DYNC2I1: variants seen among roughly 807,000 people sequenced by gnomAD.
DYNC2I1 encodes the protein cytoplasmic dynein 2 intermediate chain 1.
A neutral mutation model predicts 133.4 loss-of-function variants in DYNC2I1; 89 were observed. The observed-to-expected ratio is 0.67, with a 90% CI of 0.56 to 0.80. The LOEUF (loss-of-function observed/expected upper bound fraction) is 0.80. DYNC2I1 is among the 30% of genes least tolerant of loss of function. The probability of loss-of-function intolerance (pLI) is 0.00; values close to 1 mark genes in which losing one functional copy is unlikely to be tolerated. For synonymous variants in DYNC2I1, 504 were observed against 484.3 expected, an observed-to-expected ratio of 1.04 and a Z score of -0.54; for missense variants, 1,291 against 1,314.5, an observed-to-expected ratio of 0.98 and a Z score of 0.28.
In DYNC2I1 at chr7:158,891,274, G is replaced by A. The variant is rs201126878; in HGVS notation, c.1000G>A (p.Glu334Lys). The A allele has an allele frequency of 6.9e-5, 112 of 1,614,050 alleles. No homozygotes were observed. Among genetic ancestry groups the A allele is most frequent in the Middle Eastern group, 3.3e-4 (2 of 6,062 alleles). Reference sequence around the variant, plus strand: ...GTTCTCTCTCCATTAGCATGGCCACGAGGAAGGCTCTTCTGTGTGGTGGAA... The same window carrying A: ...GTTCTCTCTCCATTAGCATGGCCACAAGGAAGGCTCTTCTGTGTGGTGGAA... ...DKDSRRKHGH[E>K]EGSSVWWKLD... is the part of the protein sequence containing the mutation. Residue 334 changes from glutamate to lysine, a missense_variant, in exon 8 of 25, where the codon GAG becomes AAG. Coordinates refer to ENST00000407559, the MANE Select transcript of DYNC2I1 (RefSeq NM_018051.5).
intron 20 of DYNC2I1, among the ~76,000 whole-genome samples, chr7:158,929,448 G>T (rs950648099): frequency 1.4e-4 from 21 of 150,092 alleles, no homozygotes; most frequent in Non-Finnish European, 2.9e-4. Context: ...AAAGGGCCTG[G>T]CCAGAAAGGC....
intron 21 of DYNC2I1, among the ~76,000 whole-genome samples, chr7:158,932,682 T>C (rs1433524202): frequency 6.6e-6 from 1 of 151,932 alleles, no homozygotes; most frequent in Non-Finnish European, 1.5e-5. Flanking sequence ...GTGGCGTAAG[T>C]TGGGAACAGA....
At chr7:158,955,677 G>A (rs1272072167) in intron 4 of DYNC2I1, among the ~76,000 whole-genome samples, 2 of 152,190 alleles carry the variant, frequency 1.3e-5, no homozygotes, top group African/African-American at 4.8e-5. Context: ...TTCTACTAAC[G>A]TTTGAACTTG....
At chr7:158,891,893 C>A (rs546212762) in intron 8 of DYNC2I1, among the ~76,000 whole-genome samples, 1 of 110,308 alleles carries the variant, frequency 9.1e-6, no homozygotes, top group Non-Finnish European at 2.2e-5. Flanking sequence ...AAGGACGTAG[C>A]GCGGAGCTTG....
chr7:158,881,105 C>T (rs908871826), intron 5 of DYNC2I1, among the ~76,000 whole-genome samples: 1 of 152,234 alleles, frequency 6.6e-6, no homozygotes. Context: ...AGCACTTAGG[C>T]CGAGAAGCAG....
intron 17 of DYNC2I1, 139 bp from the exon 18 acceptor site, chr7:158,926,048 T>C (rs1319879484): frequency 1.5e-6 from 1 of 669,332 alleles, no homozygotes; most frequent in Non-Finnish European, 2.7e-6. Flanking sequence ...ATGTTGGTTT[T>C]GGGGTGTTTT....
At chr7:158,927,820 G>A (rs1050238301) in intron 20 of DYNC2I1, among the ~76,000 whole-genome samples, 7 of 152,188 alleles carry the variant, frequency 4.6e-5, no homozygotes, top group African/African-American at 1.7e-4. Flanking sequence ...CCATAGTGCT[G>A]GGATTACAGG....
At chr7:158,932,040 C>T (rs1043188746) in intron 21 of DYNC2I1, among the ~76,000 whole-genome samples, 6 of 152,076 alleles carry the variant, frequency 3.9e-5, no homozygotes, top group East Asian at 3.9e-4. Context: ...TCCCCAGGGC[C>T]CAGGAGTTGT....
chr7:158,875,656 G>A lies in DYNC2I1; in HGVS notation c.491-953G>A, dbSNP rs114847937. 3.6e-3 allele frequency among the ~76,000 whole-genome samples: 542 copies of A among 152,262 alleles called. 9 individuals carry two copies. The highest frequency in any genetic ancestry group is 0.012 in the African/African-American group (487 of 41,544). On this transcript the variant is annotated intron_variant, in intron 3 of 24. Coordinates refer to ENST00000407559, the MANE Select transcript of DYNC2I1 (RefSeq NM_018051.5). ...GCCTCCCCAGCCCAGGATGGATGCC[G>A]TAGTCTGGTGCCCTGGGGAGTCAGC...
chr7:158,915,790 G>C (rs1848140895), intron 14 of DYNC2I1, among the ~76,000 whole-genome samples: 1 of 146,594 alleles, frequency 6.8e-6, no homozygotes, highest in African/African-American at 2.6e-5. Context: ...AAGGATGATT[G>C]TGAAACGTCG....
intron 21 of DYNC2I1, among the ~76,000 whole-genome samples, chr7:158,933,098 C>T (rs1284938234): frequency 1.3e-5 from 2 of 152,072 alleles, no homozygotes; most frequent in African/African-American, 4.8e-5. Flanking sequence ...CATTTGCAGT[C>T]CTGAATGTGG....
At chr7:158,943,903 C>T (rs867865181) in intron 24 of DYNC2I1, among the ~76,000 whole-genome samples, 43 of 152,226 alleles carry the variant, frequency 2.8e-4, no homozygotes, top group African/African-American at 8.9e-4. Flanking sequence ...AGGAAGGAGG[C>T]GGCAGCCCGG....
At chr7:158,941,299 A>G (rs1399827378) in intron 23 of DYNC2I1, among the ~76,000 whole-genome samples, 1 of 152,198 alleles carries the variant, frequency 6.6e-6, no homozygotes, top group Non-Finnish European at 1.5e-5. Context: ...GTTTTTTAAA[A>G]GGTGCCATAT....
At chr7:158,885,407 T>C (rs985710428) in intron 6 of DYNC2I1, among the ~76,000 whole-genome samples, 3 of 151,410 alleles carry the variant, frequency 2.0e-5, no homozygotes, top group Admixed American at 6.6e-5. Flanking sequence ...AGTGGCGCAA[T>C]CTCGGCTCAC....
At chr7:158,936,283 A>G (rs71547592) in intron 23 of DYNC2I1, among the ~76,000 whole-genome samples, 16,303 of 152,084 alleles carry the variant, frequency 0.11, 1,465 homozygotes, top group East Asian at 0.45. Context: ...TCTCCCCACA[A>G]AAAACCAAAA....
intron 9 of DYNC2I1, among the ~76,000 whole-genome samples, chr7:158,902,075 G>A (rs1200425214): frequency 1.3e-5 from 2 of 152,026 alleles, no homozygotes; most frequent in African/African-American, 4.8e-5. Context: ...GTATACATAG[G>A]TATCTATAAA....
chr7:158,902,643 T>C (rs772615335), intron 10 of DYNC2I1, 48 bp downstream of exon 10: 1 of 1,552,258 alleles, frequency 6.4e-7, no homozygotes, highest in Non-Finnish European at 8.8e-7. Flanking sequence ...TAGGGCTCTG[T>C]GTACTGAGCC....
chr7:158,911,485 T>C, intron 11 of DYNC2I1, 65 bp from the exon 12 acceptor site: 1 of 1,541,574 alleles, frequency 6.5e-7, no homozygotes, highest in Non-Finnish European at 8.8e-7. Context: ...ACTTCTGTTC[T>C]CCCTACACTT....
chr7:158,925,001 C>T (rs1247610324), intron 17 of DYNC2I1, among the ~76,000 whole-genome samples: 2 of 152,144 alleles, frequency 1.3e-5, no homozygotes, highest in Non-Finnish European at 2.9e-5. Context: ...GGTGATCTGC[C>T]CTCCTTGGCC....
Sources: allele counts gnomAD v4.1 joint callset (sites outside exome capture counted in the v4.1 genomes callset), GRCh38; gene constraint gnomAD v4.1.1; transcripts MANE v1.5; gene names NCBI Gene and HGNC (gene_info 2026-07-23, HGNC 2026-07-21).